The following ANXA4 variants were observed in gnomAD, a reference collection of about 807,000 sequenced individuals.
ANXA4 encodes 35-beta calcimedin.
ANXA4 carries 39 observed loss-of-function variants against 49.8 expected under a neutral mutation model. The observed-to-expected ratio is 0.78, with a 90% CI of 0.61 to 1.02. The LOEUF (loss-of-function observed/expected upper bound fraction) is 1.02, where lower values mean the gene tolerates loss of function less well. Among genes scored for constraint, ANXA4 ranks in the 50% least tolerant of loss-of-function variants. The probability of loss-of-function intolerance (pLI) is 0.00; values close to 1 mark genes in which losing one functional copy is unlikely to be tolerated. For missense variants in ANXA4, 360 were observed against 410.1 expected, an observed-to-expected ratio of 0.88 and a Z score of 1.05; for synonymous variants, 134 against 152.5, an observed-to-expected ratio of 0.88 and a Z score of 0.89.
At chr2:69,773,739 C>G (rs2105568697) in intron 1 of ANXA4, among the ~76,000 whole-genome samples, 1 of 144,404 alleles carries the variant, frequency 6.9e-6, no homozygotes, top group East Asian at 2.2e-4. Context: ...TCAAGCAATT[C>G]TACTTCCTCA....
intron 2 of ANXA4, among the ~76,000 whole-genome samples, chr2:69,676,531 A>G (rs1335379824): frequency 6.6e-6 from 1 of 152,190 alleles, no homozygotes; most frequent in African/African-American, 2.4e-5. Flanking sequence ...TCAATTTTTT[A>G]AAAATAGTGT....
At chr2:69,804,665 C>G (rs3771541) in intron 4 of ANXA4, 38 bp downstream of exon 4, 762,754 of 1,545,458 alleles carry the variant, frequency 0.49, 197,197 homozygotes, top group African/African-American at 0.86. Context: ...TGGCTGACTT[C>G]GCAGCAACAG....
intron 3 of ANXA4, among the ~76,000 whole-genome samples, chr2:69,795,012 C>T (rs1672882835): frequency 6.6e-6 from 1 of 152,182 alleles, no homozygotes; most frequent in South Asian, 2.1e-4. Context: ...TCTGATAAGA[C>T]CAGAACTAGG....
At chr2:69,712,560 G>A (rs961614124) in intron 2 of ANXA4, among the ~76,000 whole-genome samples, 3 of 152,286 alleles carry the variant, frequency 2.0e-5, no homozygotes, top group East Asian at 1.9e-4. Context: ...TCCAACTGGG[G>A]AACTCCAGAA....
intron 2 of ANXA4, among the ~76,000 whole-genome samples, chr2:69,656,446 A>C (rs754411500): frequency 1.4e-5 from 2 of 146,778 alleles, no homozygotes; most frequent in Admixed American, 6.9e-5. Context: ...TATATATGAT[A>C]CTTGGTCATA....
chr2:69,708,929 C>A (rs946246573), intron 2 of ANXA4, among the ~76,000 whole-genome samples: 12 of 151,934 alleles, frequency 7.9e-5, no homozygotes, highest in African/African-American at 2.9e-4. Context: ...AAAAAAACCT[C>A]TACTATATCT....
chr2:69,678,258 T>A (rs1677475054), intron 2 of ANXA4, among the ~76,000 whole-genome samples: 1 of 152,172 alleles, frequency 6.6e-6, no homozygotes, highest in Non-Finnish European at 1.5e-5. Context: ...TTCAAATTAT[T>A]ATTTAATGAC....
chr2:69,768,691 A>G (rs938614271), intron 1 of ANXA4, among the ~76,000 whole-genome samples: 4 of 152,220 alleles, frequency 2.6e-5, no homozygotes, highest in African/African-American at 9.6e-5. Context: ...AAGTCCCATG[A>G]TAGAAATAAT....
At chr2:69,678,561 T>C (rs933870225) in intron 2 of ANXA4, among the ~76,000 whole-genome samples, 4 of 151,914 alleles carry the variant, frequency 2.6e-5, no homozygotes, top group Non-Finnish European at 5.9e-5. Flanking sequence ...ACCGGGCTAA[T>C]TTTTTGTGTG....
At chr2:69,675,226 CTG>C (rs1357240679) in intron 2 of ANXA4, among the ~76,000 whole-genome samples, 1 of 152,116 alleles carries the variant, frequency 6.6e-6, no homozygotes, top group Non-Finnish European at 1.5e-5. Flanking sequence ...CCGGCCCAAA[CTG>C]TTTTTATTTT....
intron 2 of ANXA4, among the ~76,000 whole-genome samples, chr2:69,689,613 T>C (rs1454463997): frequency 6.6e-6 from 1 of 152,210 alleles, no homozygotes; most frequent in Non-Finnish European, 1.5e-5. Flanking sequence ...TGTAGTTCTT[T>C]TTGGTTTTAT....
chr2:69,771,094 C>CAAA (rs1169928879), intron 1 of ANXA4, among the ~76,000 whole-genome samples: 7 of 42,280 alleles, frequency 1.7e-4, no homozygotes, highest in Non-Finnish European at 2.6e-4. Context: ...ACCCTGTCTC[C>CAAA]AAAAAAAAAA....
intron 2 of ANXA4, among the ~76,000 whole-genome samples, chr2:69,691,949 G>A (rs1055924440): frequency 3.3e-5 from 5 of 152,138 alleles, no homozygotes; most frequent in Non-Finnish European, 5.9e-5. Flanking sequence ...GCAGTGGCGT[G>A]ATCTTGGCTC....
chr2:69,764,103 G>C (rs147552462), intron 1 of ANXA4, among the ~76,000 whole-genome samples: 26 of 152,332 alleles, frequency 1.7e-4, no homozygotes, highest in African/African-American at 5.8e-4. Context: ...CATAAGAAGA[G>C]ACTGAAGGGG....
Position 69,691,457 on chromosome 2 carries a change from A to G in ANXA4, n.767-29317A>G, listed in dbSNP as rs1004812000. ...ACTGAAAAACGGATGCACCTACCAC[A>G]GTATAAAGATGGGAGTTTACTTTGG... On this transcript the variant is annotated intron_variant and non_coding_transcript_variant, in intron 2 of 3. Coordinates refer to the ANXA4 transcript ENST00000418066. 3.9e-5 allele frequency among the ~76,000 whole-genome samples: 6 copies of G among 152,066 alleles called. No individual in the cohort carries two copies. The East Asian group carries it at 1.2e-3, about 29-fold the overall frequency.
Position 69,825,625 on chromosome 2 carries a change from C to T in ANXA4, c.*110C>T, listed in dbSNP as rs183209964. 2,221 of 762,294 alleles carry T rather than the reference C, an allele frequency of 2.9e-3. 14 individuals carry two copies. The highest frequency in any genetic ancestry group is 4.5e-3 in the Admixed American group (152 of 33,858). 47.2% of individuals were successfully genotyped at this position (762,294 alleles called of 1,614,324 possible). On this transcript the variant is annotated 3_prime_UTR_variant, in exon 13 of 13. Transcript: ENST00000394295. ...TCAGAATGCTTATTTCCAATTAAAA[C>T]GCCTACAGCTGCCTCCTAGAATATA... is the stretch of plus-strand genomic sequence containing the variant.
intron 3 of ANXA4, among the ~76,000 whole-genome samples, chr2:69,722,331 C>T (rs1317215097): frequency 6.6e-6 from 1 of 152,310 alleles, no homozygotes; most frequent in East Asian, 1.9e-4. Context: ...GTGTTCACGG[C>T]AGCGTTATTC....
chr2:69,797,660 G>A (rs767403533), intron 3 of ANXA4, among the ~76,000 whole-genome samples: 4 of 152,216 alleles, frequency 2.6e-5, no homozygotes, highest in African/African-American at 4.8e-5. Context: ...TGCCATTCTA[G>A]TTGTAGGCAG....
chr2:69,805,163 C>A (rs988570835), intron 4 of ANXA4, among the ~76,000 whole-genome samples: 1 of 150,102 alleles, frequency 6.7e-6, no homozygotes, highest in Non-Finnish European at 1.5e-5. Context: ...GAATAAACAT[C>A]TTTAGAATTT....
Sources: gnomAD v4.1 joint callset for allele counts (sites outside exome capture counted in the v4.1 genomes callset) on GRCh38, gnomAD v4.1.1 for gene constraint, MANE v1.5 for transcripts, NCBI Gene and HGNC (gene_info 2026-07-23, HGNC 2026-07-21) for gene names.